ULK4: variants seen among roughly 807,000 people sequenced by gnomAD.
The protein encoded by ULK4 is unc-51 like kinase 4.
ULK4 carries 133 observed loss-of-function variants against 160.6 expected under a neutral mutation model. The observed-to-expected ratio is 0.83, with a 90% CI of 0.72 to 0.96. ULK4 has a LOEUF of 0.96. ULK4 is among the 40% of genes least tolerant of loss of function. ULK4 has a pLI of 0.00. For synonymous variants in ULK4, 534 were observed against 539.8 expected (o/e 0.99, Z 0.15); for missense variants, 1,580 against 1,499.5 (o/e 1.05, Z -0.89).
At chr3:41,823,698 T>C (rs913356435) in intron 18 of ULK4, among the ~76,000 whole-genome samples, 2 of 152,196 alleles carry the variant, frequency 1.3e-5, no homozygotes, top group Admixed American at 6.5e-5. Flanking sequence ...TTAATGTTTA[T>C]TGTACTCAAA....
intron 32 of ULK4, among the ~76,000 whole-genome samples, chr3:41,564,608 G>A (rs1426845510): frequency 3.3e-5 from 5 of 151,372 alleles, no homozygotes; most frequent in African/African-American, 9.7e-5. Context: ...ACAGTCACCC[G>A]CCACCACACC....
chr3:41,339,347 C>CT (rs2080633521), intron 35 of ULK4, among the ~76,000 whole-genome samples: 1 of 152,122 alleles, frequency 6.6e-6, no homozygotes, highest in South Asian at 2.1e-4. Flanking sequence ...CACAATGCCC[C>CT]TTGCCAATGA....
At position 41,604,870 on chromosome 3, in the gene ULK4, A is replaced by G. The variant is rs1391841274; in HGVS notation, c.3120+10799T>C. 5.9e-5 allele frequency among the ~76,000 whole-genome samples: 9 copies of G among 152,122 alleles called. No individual in the cohort carries two copies. In the South Asian group the frequency reaches 1.4e-3, roughly 25 times the overall value. ...CTGATGCAGCAGAGAGGGGATAAAT[A>G]TAAACACATTATTCCCCAGGATGTA... On this transcript the variant is annotated intron_variant, in intron 31 of 36. Coordinates refer to ENST00000301831, the MANE Select transcript of ULK4 (RefSeq NM_017886.4).
chr3:41,930,916 C>T (rs759398595), intron 5 of ULK4, among the ~76,000 whole-genome samples: 30 of 151,100 alleles, frequency 2.0e-4, no homozygotes, highest in Admixed American at 2.0e-4. Context: ...TCAACCATTG[C>T]GGAGGACAAT....
At chr3:41,475,401 A>AT (rs1417880460) in intron 32 of ULK4, among the ~76,000 whole-genome samples, 2 of 152,204 alleles carry the variant, frequency 1.3e-5, no homozygotes, top group South Asian at 4.1e-4. Flanking sequence ...AAGAAATAAG[A>AT]TTTTTTTCTT....
intron 35 of ULK4, among the ~76,000 whole-genome samples, chr3:41,326,141 G>A (rs2080335236): frequency 6.6e-6 from 1 of 152,114 alleles, no homozygotes; most frequent in African/African-American, 2.4e-5. Context: ...TGGGCAGGGG[G>A]GGGCTCCCCA....
At chr3:41,950,144 T>C (rs1427169896) in intron 2 of ULK4, among the ~76,000 whole-genome samples, 1 of 152,014 alleles carries the variant, frequency 6.6e-6, no homozygotes. Context: ...TGGAGCACAG[T>C]GGCACAATCA....
intron 32 of ULK4, among the ~76,000 whole-genome samples, chr3:41,527,088 G>A (rs1427456526): frequency 6.6e-6 from 1 of 152,166 alleles, no homozygotes; most frequent in Non-Finnish European, 1.5e-5. Context: ...ACTTTGTAAA[G>A]AAGACTTAAG....
At chr3:41,612,177 G>A (rs2032715425) in intron 31 of ULK4, among the ~76,000 whole-genome samples, 1 of 152,140 alleles carries the variant, frequency 6.6e-6, no homozygotes, top group African/African-American at 2.4e-5. Context: ...ATTTTAGTAT[G>A]AGGGTGGTTT....
intron 21 of ULK4, among the ~76,000 whole-genome samples, chr3:41,779,770 G>T (rs2039754769): frequency 1.2e-5 from 1 of 82,880 alleles, no homozygotes; most frequent in South Asian, 4.3e-4. Context: ...TCACTCATAG[G>T]TGGGAATTGA....
At chr3:41,917,569 C>T (rs1339227112) in intron 7 of ULK4, among the ~76,000 whole-genome samples, 1 of 152,148 alleles carries the variant, frequency 6.6e-6, no homozygotes, top group Non-Finnish European at 1.5e-5. Flanking sequence ...TTTTACTACA[C>T]TTGTGCCTTC....
intron 32 of ULK4, among the ~76,000 whole-genome samples, chr3:41,504,087 G>A (rs1281874134): frequency 1.3e-5 from 2 of 152,160 alleles, no homozygotes; most frequent in Admixed American, 1.3e-4. Context: ...TAAGACTGGA[G>A]TATTTAGTTG....
chr3:41,427,574 G>A (rs1399084897), intron 34 of ULK4, among the ~76,000 whole-genome samples: 4 of 152,250 alleles, frequency 2.6e-5, no homozygotes, highest in African/African-American at 9.6e-5. Context: ...TATCCACTAT[G>A]ATCAAGTTGG....
chr3:41,509,499 G>A (rs911757771), intron 32 of ULK4, among the ~76,000 whole-genome samples: 15 of 152,152 alleles, frequency 9.9e-5, no homozygotes, highest in African/African-American at 3.6e-4. Flanking sequence ...ATCACAGGAA[G>A]ATCATCACCT....
intron 17 of ULK4, among the ~76,000 whole-genome samples, chr3:41,852,876 G>A (rs770265419): frequency 6.6e-6 from 1 of 152,130 alleles, no homozygotes; most frequent in Non-Finnish European, 1.5e-5. Context: ...CTGCAACAGA[G>A]TCTGGCAAGA....
In ULK4 at chr3:41,931,982, G is replaced by T; in HGVS notation, c.403C>A (p.Leu135Met). Residue 135 changes from leucine to methionine, a missense_variant, in exon 5 of 37, where the codon CTG becomes ATG. Transcript: ENST00000301831. Reference sequence around the variant, plus strand: ...GCCAAGCAAAAGTTGCTAAACTTCAGTGTGCCAGGCCCTTCCAAGAGTATC... The same window carrying T: ...GCCAAGCAAAAGTTGCTAAACTTCATTGTGCCAGGCCCTTCCAAGAGTATC... ...RKILLEGPGT[L>M]KFSNFCLAKV... 2 of 1,613,524 alleles carry T rather than the reference G, an allele frequency of 1.2e-6. No individual in the cohort carries two copies. Among genetic ancestry groups the T allele is most frequent in the African/African-American group, 2.7e-5 (2 of 74,860 alleles).
At chr3:41,356,114 T>C (rs912865520) in intron 35 of ULK4, among the ~76,000 whole-genome samples, 1 of 152,186 alleles carries the variant, frequency 6.6e-6, no homozygotes, top group African/African-American at 2.4e-5. Context: ...ATTAAATTTG[T>C]TTCCATATTT....
intron 18 of ULK4, among the ~76,000 whole-genome samples, chr3:41,824,878 C>A (rs985686867): frequency 6.6e-6 from 1 of 152,224 alleles, no homozygotes; most frequent in African/African-American, 2.4e-5. Flanking sequence ...TCAAGTGGGT[C>A]CCTGACCCCC....
At chr3:41,311,018 A>G (rs1454202058) in intron 35 of ULK4, among the ~76,000 whole-genome samples, 2 of 151,782 alleles carry the variant, frequency 1.3e-5, no homozygotes, top group African/African-American at 4.8e-5. Flanking sequence ...TAATAAATAA[A>G]TAAATAAAAG....
Sources: gnomAD v4.1 joint callset for allele counts (sites outside exome capture counted in the v4.1 genomes callset) on GRCh38, gnomAD v4.1.1 for gene constraint, MANE v1.5 for transcripts, NCBI Gene and HGNC (gene_info 2026-07-23, HGNC 2026-07-21) for gene names.